Variants in CRYBB2 observed in about 807,000 individuals in gnomAD.
CRYBB2 encodes the protein crystallin beta B2, also known as beta-crystallin B2.
A neutral mutation model predicts 24.3 loss-of-function variants in CRYBB2; 12 were observed. That is an observed-to-expected ratio of 0.49 (90% confidence interval 0.32 to 0.80). The LOEUF (loss-of-function observed/expected upper bound fraction) is 0.80, where lower values mean the gene tolerates loss of function less well. Ranked by LOEUF, CRYBB2 falls within the 30% of genes least tolerant of loss-of-function variation. The probability of loss-of-function intolerance (pLI) is 0.04; values close to 1 mark genes in which losing one functional copy is unlikely to be tolerated. For missense variants in CRYBB2, 198 were observed against 268.5 expected, an observed-to-expected ratio of 0.74 and a Z score of 1.83; for synonymous variants, 98 against 101.6, an observed-to-expected ratio of 0.96 and a Z score of 0.21.
In CRYBB2 at chr22:25,230,913, A is replaced by C. The variant is rs999972179; in HGVS notation, c.450-691A>C. Among the ~76,000 whole-genome samples the C allele has an allele frequency of 2.0e-5, 3 of 152,206 alleles. No individual in the cohort carries two copies. The East Asian group carries it at 5.8e-4, about 29-fold the overall frequency. ...GGAACAGTAGGAATTGCAGGGGTAA[A>C]GAGGCCAAGGAAGAGCATCCCAGAC... On this transcript the variant is annotated intron_variant, in intron 5 of 5. Transcript: ENST00000398215.
upstream of CRYBB2, among the ~76,000 whole-genome samples, chr22:25,219,324 C>T (rs1935280805): frequency 6.6e-6 from 1 of 152,208 alleles, no homozygotes; most frequent in South Asian, 2.1e-4. Context: ...GTTCCTCTGT[C>T]TGCCATGCCT....
chr22:25,228,062 A>T, intron 4 of CRYBB2, 77 bp downstream of exon 4: 2 of 1,604,844 alleles, frequency 1.2e-6, no homozygotes, highest in Non-Finnish European at 1.7e-6. Flanking sequence ...TTGGAGCTGG[A>T]GGTCTGGGGA....
Position 25,223,383 on chromosome 22 carries a change from C to T in CRYBB2, c.55-1535C>T, listed in dbSNP as rs554450291. ...GCGCAAATACTATGTGCTAACCACC[C>T]ACAAGCCCTGGTCTCCCAGGCCAGG... On this transcript the variant is annotated intron_variant, in intron 2 of 5. Coordinates refer to ENST00000398215, the MANE Select transcript of CRYBB2 (RefSeq NM_000496.3). Among the ~76,000 whole-genome samples the T allele has an allele frequency of 1.2e-4, 18 of 152,306 alleles. No homozygotes were observed. In the East Asian group the frequency reaches 3.3e-3, roughly 28 times the overall value.
upstream of CRYBB2, among the ~76,000 whole-genome samples, chr22:25,211,996 T>C: frequency 6.6e-6 from 1 of 152,236 alleles, no homozygotes; most frequent in Admixed American, 6.5e-5. Context: ...TTGCCTCATC[T>C]GTAACATGGA....
upstream of CRYBB2, among the ~76,000 whole-genome samples, chr22:25,218,779 G>GAGAGAGAAGA (rs1935251085): frequency 8.7e-5 from 3 of 34,528 alleles, no homozygotes; most frequent in Admixed American, 3.8e-4. Context: ...GAGAGAGAGA[G>GAGAGAGAAGA]AAGAAAGAAA....
At chr22:25,226,515 T>C (rs1011368532) in intron 3 of CRYBB2, among the ~76,000 whole-genome samples, 3 of 152,192 alleles carry the variant, frequency 2.0e-5, no homozygotes, top group Non-Finnish European at 2.9e-5. Flanking sequence ...TGTCATTACT[T>C]ACCATGGCTT....
chr22:25,216,280 A>C (rs1268324835), upstream of CRYBB2, among the ~76,000 whole-genome samples: 1 of 152,200 alleles, frequency 6.6e-6, no homozygotes, highest in African/African-American at 2.4e-5. Context: ...TACAGAAGGA[A>C]CCAATTTGAA....
rs200984455 is a variant in CRYBB2, at chr22:25,229,031, C to CGT, written c.307-403_307-402dup. On this transcript the variant is annotated intron_variant, in intron 4 of 5. Transcript: ENST00000398215. ...GCAAGTGTGGGTGTGCACGTGTGTG[C>CGT]GTGCGTGTGTGCAAGTGTGGTGTGC... is the stretch of plus-strand genomic sequence containing the variant. Among the ~76,000 whole-genome samples the CGT allele has an allele frequency of 3.8e-3, 540 of 143,524 alleles. 7 individuals carry two copies. Among genetic ancestry groups the CGT allele is most frequent in the African/African-American group, 0.013 (513 of 38,680 alleles). The allele number at this position is 143,524 out of a possible 152,430, so 94.2% of individuals were successfully genotyped here.
chr22:25,226,953 C>T (rs1017185126), intron 3 of CRYBB2, among the ~76,000 whole-genome samples: 4 of 152,194 alleles, frequency 2.6e-5, no homozygotes, highest in Non-Finnish European at 5.9e-5. Flanking sequence ...GGATTACAGG[C>T]GTGAGCCACA....
intron 1 of CRYBB2, among the ~76,000 whole-genome samples, chr22:25,220,098 C>G (rs2267077): frequency 0.18 from 27,512 of 151,920 alleles, 2,613 homozygotes; most frequent in East Asian, 0.33. Flanking sequence ...TCTGGGAGTG[C>G]TAGGGGATAG....
chr22:25,226,903 A>T (rs1935427602), intron 3 of CRYBB2, among the ~76,000 whole-genome samples: 1 of 152,016 alleles, frequency 6.6e-6, no homozygotes, highest in Non-Finnish European at 1.5e-5. Flanking sequence ...CGAGCTACTG[A>T]CCTCAGGTGA....
At chr22:25,214,179 AT>A (rs966664601) in intron 1 of CRYBB2, among the ~76,000 whole-genome samples, 2 of 152,086 alleles carry the variant, frequency 1.3e-5, no homozygotes, top group African/African-American at 4.8e-5. Context: ...TCCCTAAAAA[AT>A]TTTTTTAATT....
Position 25,224,956 on chromosome 22 carries a change from G to T in CRYBB2, c.93G>T (p.Ser31=), listed in dbSNP as rs764256992. 6.2e-7 allele frequency: 1 copy of T among 1,612,132 alleles called. No individual in the cohort carries two copies. The highest frequency in any genetic ancestry group is 8.5e-7 in the Non-Finnish European group (1 of 1,178,188). Residue 31 remains serine (S), a synonymous_variant, in exon 3 of 6, where the codon TCG becomes TCT. Coordinates refer to ENST00000398215, the MANE Select transcript of CRYBB2 (RefSeq NM_000496.3). ...AGCAGGAAAACTTTCAAGGCCACTC[G>T]CATGAGCTCAATGGGCCCTGCCCCA... The part of the protein sequence containing the change: ...IFEQENFQGH[S]HELNGPCPNL...
rs1935495902 is a variant in CRYBB2 at position 25,229,543 on chromosome 22, G to A, written c.414G>A (p.Gln138=). 1.2e-6 allele frequency: 2 copies of A among 1,614,260 alleles called. No individual in the cohort carries two copies. The highest frequency in any genetic ancestry group is 1.6e-4 in the Middle Eastern group (1 of 6,062). Residue 138 remains glutamine (Q), a synonymous_variant, in exon 5 of 6, where the codon CAG becomes CAA. Coordinates refer to ENST00000398215, the MANE Select transcript of CRYBB2 (RefSeq NM_000496.3). ...DVPSFHAHGY[Q]EKVSSVRVQS... is the part of the protein sequence containing the mutation. ...CCAGCTTCCACGCCCATGGCTACCA[G>A]GAGAAGGTGTCATCTGTGCGGGTGC...
intron 5 of CRYBB2, among the ~76,000 whole-genome samples, chr22:25,231,081 A>G (rs1294290847): frequency 5.3e-5 from 8 of 152,174 alleles, no homozygotes; most frequent in African/African-American, 7.2e-5. Context: ...TGTCCACAGA[A>G]ACTGGCCAGG....
chr22:25,218,779 G>GAGAGAGAGAGAAAGAAAGAAA (rs1935251085), upstream of CRYBB2, among the ~76,000 whole-genome samples: 1 of 34,514 alleles, frequency 2.9e-5, no homozygotes, highest in African/African-American at 1.2e-4. Flanking sequence ...GAGAGAGAGA[G>GAGAGAGAGAGAAAGAAAGAAA]AAGAAAGAAA....
chr22:25,227,920 C>G lies in CRYBB2; in HGVS notation c.241C>G (p.Arg81Gly). 2 of 1,614,162 alleles carry G rather than the reference C, an allele frequency of 1.2e-6. No individual in the cohort carries two copies. The highest frequency in any genetic ancestry group is 1.7e-6 in the Non-Finnish European group (2 of 1,180,034). The change falls in exon 4 of 6, where the codon CGC becomes GGC. Residue 81 changes from arginine to glycine, a missense_variant. Coordinates refer to ENST00000398215, the MANE Select transcript of CRYBB2 (RefSeq NM_000496.3). ...QFVFEKGEYP[R>G]WDSWTSSRRT... Reference sequence around the variant, plus strand: ...TGTGTTTGAGAAGGGTGAGTACCCCCGCTGGGACTCATGGACCAGCAGCCG... The same window carrying G: ...TGTGTTTGAGAAGGGTGAGTACCCCGGCTGGGACTCATGGACCAGCAGCCG...
chr22:25,229,097 A>ATG (rs112950752), intron 4 of CRYBB2, among the ~76,000 whole-genome samples: 45 of 146,838 alleles, frequency 3.1e-4, no homozygotes, highest in East Asian at 1.8e-3. Context: ...GTGGGTGTGC[A>ATG]TGTGTGTGTG....
At chr22:25,215,687 A>G (rs1935160381), upstream of CRYBB2, among the ~76,000 whole-genome samples, 1 of 152,222 alleles carries the variant, frequency 6.6e-6, no homozygotes, top group Non-Finnish European at 1.5e-5. Flanking sequence ...AGGAAGCTTT[A>G]TAGTTTAAAA....
Sources: gnomAD v4.1 joint callset for allele counts (sites outside exome capture counted in the v4.1 genomes callset) on GRCh38, gnomAD v4.1.1 for gene constraint, MANE v1.5 for transcripts, NCBI Gene and HGNC (gene_info 2026-07-23, HGNC 2026-07-21) for gene names.